The following SH3TC2 variants were observed in gnomAD, a reference collection of about 807,000 sequenced individuals.
SH3TC2 encodes the protein SH3 domain and tetratricopeptide repeats 2, also known as SH3 domain and tetratricopeptide repeat-containing protein 2.
A neutral mutation model predicts 124.5 loss-of-function variants in SH3TC2; 87 were observed. The ratio of observed to expected loss-of-function variants is 0.70; its 90% CI spans 0.59 to 0.84. SH3TC2 has a LOEUF of 0.84. Among genes scored for constraint, SH3TC2 ranks in the 40% least tolerant of loss-of-function variants. The probability of loss-of-function intolerance (pLI) is 0.00; values close to 1 mark genes in which losing one functional copy is unlikely to be tolerated. For missense variants in SH3TC2, 1,536 were observed against 1,566.4 expected, an observed-to-expected ratio of 0.98 and a Z score of 0.33; for synonymous variants, 634 against 628.5, an observed-to-expected ratio of 1.01 and a Z score of -0.13.
intron 12 of SH3TC2, among the ~76,000 whole-genome samples, chr5:149,019,178 T>C (rs998317239): frequency 6.6e-6 from 1 of 152,216 alleles, no homozygotes; most frequent in Non-Finnish European, 1.5e-5. Flanking sequence ...GAGAACCTCA[T>C]ACAGCTTTCC....
chr5:149,062,969 A>T lies in SH3TC2; in HGVS notation c.52+2T>A. ...AGGCCAAGGGCCCCCTGGGAAACTC[A>T]CCTGGGCCCCGGGTCAGACTCCGCT... On this transcript the variant is annotated splice_donor_variant, in intron 1 of 16. Coordinates refer to ENST00000515425, the MANE Select transcript of SH3TC2 (RefSeq NM_024577.4). LOFTEE classifies it high-confidence loss of function. 6.3e-7 allele frequency: 1 copy of T among 1,589,480 alleles called. No individual in the cohort carries two copies. The highest frequency in any genetic ancestry group is 8.6e-7 in the Non-Finnish European group (1 of 1,167,004).
chr5:149,009,267 C>T lies in SH3TC2; in HGVS notation c.3328-266G>A, dbSNP rs577644829. Among the ~76,000 whole-genome samples, 180 of 152,306 alleles carry T rather than the reference C, an allele frequency of 1.2e-3. 1 individual carries two copies. Among genetic ancestry groups the T allele is most frequent in the African/African-American group, 4.2e-3 (173 of 41,558 alleles). ...GGAAACCTGGAGTAGGAAAGGGAAG[C>T]GGCTTTTCCCAAGGTCACGTGGAAA... On this transcript the variant is annotated intron_variant, in intron 14 of 16. Coordinates refer to ENST00000515425, the MANE Select transcript of SH3TC2 (RefSeq NM_024577.4).
At chr5:149,043,289 A>C (rs927450798) in intron 4 of SH3TC2, among the ~76,000 whole-genome samples, 1 of 152,120 alleles carries the variant, frequency 6.6e-6, no homozygotes, top group African/African-American at 2.4e-5. Flanking sequence ...GAATTTCAGG[A>C]GTCAGGATTT....
At position 149,041,655 on chromosome 5, in the gene SH3TC2, T is replaced by C. The variant is rs1386583009; in HGVS notation, c.530-38A>G. ...AGAAAAGCAATGGCTTTCTAAGGAG[T>C]AGCAGGAAGTGAAAACGGATTATCA... is the stretch of plus-strand genomic sequence containing the variant. On this transcript the variant is annotated intron_variant, in intron 5 of 16. Coordinates refer to ENST00000515425, the MANE Select transcript of SH3TC2 (RefSeq NM_024577.4). 24 of 1,603,662 alleles carry C rather than the reference T, an allele frequency of 1.5e-5. No homozygotes were observed. The Admixed American group carries it at 3.7e-4, about 25-fold the overall frequency.
In SH3TC2 at chr5:149,050,780, A is replaced by C. The variant is rs1034082409; in HGVS notation, c.151+1362T>G. Among the ~76,000 whole-genome samples the C allele has an allele frequency of 5.9e-5, 9 of 152,362 alleles. No homozygotes were observed. In the East Asian group the frequency reaches 1.2e-3, roughly 20 times the overall value. On this transcript the variant is annotated intron_variant, in intron 2 of 16. Transcript: ENST00000515425. Reference sequence around the variant, plus strand: ...AAGAACCTGGTATGACATGTATACAATATCTATTTACGTAGTCTAGATCCT... The same window carrying C: ...AAGAACCTGGTATGACATGTATACACTATCTATTTACGTAGTCTAGATCCT...
chr5:149,048,155 A>C, intron 2 of SH3TC2, 166 bp from the exon 3 acceptor site: 1 of 917,920 alleles, frequency 1.1e-6, no homozygotes, highest in Non-Finnish European at 1.7e-6. Context: ...CACTCCTTTA[A>C]ATGGTCCTCC....
At chr5:149,051,720 C>T (rs1418250837) in intron 2 of SH3TC2, among the ~76,000 whole-genome samples, 1 of 152,178 alleles carries the variant, frequency 6.6e-6, no homozygotes, top group Non-Finnish European at 1.5e-5. Flanking sequence ...TCCCAAAGTG[C>T]TGGGATTACA....
At chr5:149,016,924 CAA>C (rs753867645) in intron 12 of SH3TC2, among the ~76,000 whole-genome samples, 186 of 92,924 alleles carry the variant, frequency 2.0e-3, no homozygotes, top group Middle Eastern at 5.5e-3. Context: ...GACTCCGTCT[CAA>C]AAAAAAAAAA....
Position 149,012,590 on chromosome 5 carries a change from G to A in SH3TC2, c.3198C>T (p.Cys1066=), listed in dbSNP as rs767956943. Residue 1066 remains cysteine (C), a synonymous_variant, in exon 13 of 17, where the codon TGC becomes TGT. Transcript: ENST00000515425. ...AGCTCTGCAGGAGGCCTACCTGCAG[G>A]CACAGCTCCACCAGCTCGTCTTCCT... ...LMQEDELVEL[C]LQAAIQTALK... 3 of 1,614,102 alleles carry A rather than the reference G, an allele frequency of 1.9e-6. No homozygotes were observed. The highest frequency in any genetic ancestry group is 2.2e-5 in the South Asian group (2 of 91,070).
rs1753274056 is a variant in SH3TC2, at chr5:148,982,971, C to T, written c.*21740G>A. On this transcript the variant is annotated 3_prime_UTR_variant, in exon 17 of 17. Transcript: ENST00000515425. ...GCAAGTAGAAGATGTTGGTCTCAGGCCCAGCTCTGACATTGACATTGGCAT... is the reference window on the plus strand; with the variant it reads ...GCAAGTAGAAGATGTTGGTCTCAGGTCCAGCTCTGACATTGACATTGGCAT... Among the ~76,000 whole-genome samples the T allele has an allele frequency of 6.6e-6, 1 of 152,172 alleles. No individual in the cohort carries two copies. Among genetic ancestry groups the T allele is most frequent in the Admixed American group, 6.5e-5 (1 of 15,276 alleles).
rs1473145138 is a variant in SH3TC2, at chr5:148,990,655, C to T, written c.*14056G>A. 6.6e-6 allele frequency among the ~76,000 whole-genome samples: 1 copy of T among 152,166 alleles called. No individual in the cohort carries two copies. Among genetic ancestry groups the T allele is most frequent in the Non-Finnish European group, 1.5e-5 (1 of 68,030 alleles). On this transcript the variant is annotated 3_prime_UTR_variant, in exon 17 of 17. Coordinates refer to ENST00000515425, the MANE Select transcript of SH3TC2 (RefSeq NM_024577.4). ...TAAAATGGGCATGTTAATAATACCA[C>T]CCTTGAGGTTGTTGTGAACACAGAA... is the stretch of plus-strand genomic sequence containing the variant.
chr5:149,053,988 G>C (rs139815348), intron 1 of SH3TC2, among the ~76,000 whole-genome samples: 1,574 of 152,200 alleles, frequency 0.01, 27 homozygotes, highest in African/African-American at 0.036. Context: ...TAATACAATG[G>C]GGTGACTGTA....
chr5:148,992,033 A>G lies in SH3TC2; in HGVS notation c.*12678T>C, dbSNP rs1753427538. 3.9e-5 allele frequency among the ~76,000 whole-genome samples: 6 copies of G among 152,388 alleles called. No homozygotes were observed. In the South Asian group the frequency reaches 1.2e-3, roughly 32 times the overall value. ...CATATAATAACAACAGAGCTGAGCT[A>G]GAGGGTCTCCAAAGCCCACCAGCTG... On this transcript the variant is annotated 3_prime_UTR_variant, in exon 17 of 17. Coordinates refer to ENST00000515425, the MANE Select transcript of SH3TC2 (RefSeq NM_024577.4).
chr5:149,024,552 G>A (rs774298461), intron 12 of SH3TC2, among the ~76,000 whole-genome samples: 1 of 152,184 alleles, frequency 6.6e-6, no homozygotes, highest in Non-Finnish European at 1.5e-5. Flanking sequence ...CAGACTCAAC[G>A]TTTTACTGGA....
Position 149,001,925 on chromosome 5 carries a change from G to A in SH3TC2, c.*2786C>T, listed in dbSNP as rs536820033. Reference sequence around the variant, plus strand: ...TATTTGCAGCAATTGAGAAAGATCTGTCCAAACAGAAGTTCAAGTCAGAAG... The same window carrying A: ...TATTTGCAGCAATTGAGAAAGATCTATCCAAACAGAAGTTCAAGTCAGAAG... On this transcript the variant is annotated 3_prime_UTR_variant, in exon 17 of 17. Coordinates refer to ENST00000515425, the MANE Select transcript of SH3TC2 (RefSeq NM_024577.4). The A allele has an allele frequency of 2.0e-5, 3 of 152,360 alleles. No homozygotes were observed. The South Asian group carries it at 6.2e-4, about 32-fold the overall frequency. The allele number at this position is 152,360 out of a possible 1,614,324, so 9.4% of individuals were successfully genotyped here.
At position 149,028,392 on chromosome 5, in the gene SH3TC2, A is replaced by G. The variant is rs765186236; in HGVS notation, c.1340T>C (p.Leu447Pro). 7.4e-6 allele frequency: 12 copies of G among 1,613,988 alleles called. No individual in the cohort carries two copies. Among genetic ancestry groups the G allele is most frequent in the African/African-American group, 1.3e-5 (1 of 74,924 alleles). ...GTCCATGAGCAGTTCCGGGTCATCA[A>G]GGTCATCAGGCTCCGGCAGGCGATA... Reference protein sequence around the residue: ...DSYRLPEPDDLDDPELLMDLS... With the variant: ...DSYRLPEPDDPDDPELLMDLS... The change falls in exon 11 of 17, where the codon CTT becomes CCT. Residue 447 changes from leucine (L) to proline (P), a missense_variant. Physicochemically the swap from Leu to Pro is moderately conservative, Grantham distance 98. Around this residue, in one of 3 missense-constraint regions of SH3TC2, gnomAD observed 1,102 missense variants for 1,098.6 expected, o/e 1.00. Transcript: ENST00000515425.
In SH3TC2 at chr5:149,028,310, C is replaced by G. The variant is rs1201058981; in HGVS notation, c.1422G>C (p.Leu474=). ...AENFAPILAF[L]DHEGYADHFK... ...AGTGGTCAGCATAACCCTCATGATC[C>G]AGAAAAGCCAATATGGGGGCGAAGT... Residue 474 remains leucine, a synonymous_variant, in exon 11 of 17, where the codon CTG becomes CTC. Coordinates refer to ENST00000515425, the MANE Select transcript of SH3TC2 (RefSeq NM_024577.4). 1 of 1,614,036 alleles carries G rather than the reference C, an allele frequency of 6.2e-7. No individual in the cohort carries two copies.
rs140666774 is a variant in SH3TC2 at position 149,026,590 on chromosome 5, C to T, written c.3035G>A (p.Arg1012Gln). ...RLLESLGQLYRNLNTARSLRR... is the reference protein window; with the variant it reads ...RLLESLGQLYQNLNTARSLRR... ...GACTCACCTGGCGGTATTTAGGTTC[C>T]GATAAAGCTGCCCCAGGGACTCCAG... The change falls in exon 12 of 17, where the codon CGG becomes CAG. Residue 1012 changes from arginine (R) to glutamine (Q), a missense_variant. By Grantham distance (43) the Arg-to-Gln change is conservative (BLOSUM62 1). Transcript: ENST00000515425. The T allele has an allele frequency of 2.2e-5, 35 of 1,614,098 alleles. No individual in the cohort carries two copies. In the African/African-American group the frequency reaches 3.5e-4, roughly 16 times the overall value.
chr5:149,013,601 A>G (rs1349254072), intron 12 of SH3TC2, among the ~76,000 whole-genome samples: 1 of 152,216 alleles, frequency 6.6e-6, no homozygotes, highest in Non-Finnish European at 1.5e-5. Context: ...GTTTATAAAG[A>G]AAAATCAAAG....
Sources: gnomAD v4.1 joint callset for allele counts (sites outside exome capture counted in the v4.1 genomes callset) on GRCh38, gnomAD v4.1.1 for gene constraint, gnomAD v4.1.1 regional missense constraint, MANE v1.5 for transcripts, NCBI Gene and HGNC (gene_info 2026-07-23, HGNC 2026-07-21) for gene names.